Variants in TBC1D5 observed in about 807,000 individuals in gnomAD.
TBC1D5 encodes the protein TBC1 domain family, member 5.
TBC1D5 carries 75 observed loss-of-function variants against 100.3 expected under a neutral mutation model. The ratio of observed to expected loss-of-function variants is 0.75; its 90% CI spans 0.62 to 0.91. The LOEUF (loss-of-function observed/expected upper bound fraction) is 0.91. Ranked by LOEUF, TBC1D5 falls within the 40% of genes least tolerant of loss-of-function variation. TBC1D5 has a pLI of 0.00. For missense variants in TBC1D5, 910 were observed against 942.4 expected (o/e 0.97, Z 0.45); for synonymous variants, 323 against 325.6 (o/e 0.99, Z 0.09).
intron 2 of TBC1D5, among the ~76,000 whole-genome samples, chr3:17,602,561 A>ATTTTTTTTTTT (rs33956978): frequency 1.3e-5 from 1 of 74,480 alleles, no homozygotes; most frequent in Non-Finnish European, 2.5e-5. Flanking sequence ...AGAGAATCAG[A>ATTTTTTTTTTT]TTTTTTTTTT....
At chr3:17,386,232 A>C (rs1302975720) in intron 8 of TBC1D5, among the ~76,000 whole-genome samples, 1 of 152,024 alleles carries the variant, frequency 6.6e-6, no homozygotes, top group African/African-American at 2.4e-5. Context: ...GGATCACCTG[A>C]CTTAATAATT....
At chr3:17,228,272 C>T (rs2075104835) in intron 17 of TBC1D5, among the ~76,000 whole-genome samples, 1 of 152,090 alleles carries the variant, frequency 6.6e-6, no homozygotes, top group Admixed American at 6.5e-5. Flanking sequence ...AGTTGTACGG[C>T]CTTGAACAAG....
intron 1 of TBC1D5, among the ~76,000 whole-genome samples, chr3:17,702,514 GATAC>G (rs1301956599): frequency 1.3e-5 from 2 of 151,956 alleles, no homozygotes; most frequent in Non-Finnish European, 2.9e-5. Context: ...CACAGAAAAG[GATAC>G]ATAAATTGAA....
chr3:17,328,855 A>G (rs1407975964), intron 13 of TBC1D5, among the ~76,000 whole-genome samples: 1 of 152,196 alleles, frequency 6.6e-6, no homozygotes, highest in African/African-American at 2.4e-5. Context: ...GTGGATCCAC[A>G]AATACTAGAA....
intron 1 of TBC1D5, among the ~76,000 whole-genome samples, chr3:17,678,184 T>C (rs2068901760): frequency 6.6e-6 from 1 of 152,034 alleles, no homozygotes; most frequent in East Asian, 1.9e-4. Flanking sequence ...TTGATAAAAA[T>C]AAGACAATTC....
chr3:17,184,712 T>G (rs62248251), intron 19 of TBC1D5: 1 of 152,036 alleles, frequency 6.6e-6, no homozygotes, highest in African/African-American at 2.4e-5. Context: ...AAAAAAAATT[T>G]GTTGTTTTGT....
chr3:17,690,659 T>C (rs1044533722), intron 1 of TBC1D5, among the ~76,000 whole-genome samples: 4 of 152,342 alleles, frequency 2.6e-5, no homozygotes, highest in East Asian at 1.9e-4. Flanking sequence ...GCAGTGGCAT[T>C]AGATTCTCAT....
rs150182195 is a variant in TBC1D5 at position 17,262,777 on chromosome 3, G to A, written c.1246-4186C>T. Among the ~76,000 whole-genome samples the A allele has an allele frequency of 3.4e-3, 517 of 151,666 alleles. 1 individual carries two copies. Among genetic ancestry groups the A allele is most frequent in the African/African-American group, 0.012 (486 of 41,384 alleles). On this transcript the variant is annotated intron_variant, in intron 15 of 21. Coordinates refer to ENST00000253692, the Ensembl canonical transcript of TBC1D5. Reference sequence around the variant, plus strand: ...ATTACAGGCGTGAGCCACCACACCCGGCCGACAATGTATTTTTTTTTTAAA... The same window carrying A: ...ATTACAGGCGTGAGCCACCACACCCAGCCGACAATGTATTTTTTTTTTAAA...
intron 13 of TBC1D5, among the ~76,000 whole-genome samples, chr3:17,330,776 C>G (rs1482414468): frequency 6.6e-6 from 1 of 152,108 alleles, no homozygotes; most frequent in African/African-American, 2.4e-5. Flanking sequence ...CCTGGATGCC[C>G]TACAAGCAGT....
At chr3:17,163,457 A>G (rs1410382074) in intron 21 of TBC1D5, among the ~76,000 whole-genome samples, 2 of 152,170 alleles carry the variant, frequency 1.3e-5, no homozygotes, top group African/African-American at 4.8e-5. Flanking sequence ...TGCCATTTAT[A>G]ACATTTACAG....
chr3:17,703,913 T>C (rs13095726), intron 1 of TBC1D5, among the ~76,000 whole-genome samples: 1 of 35,918 alleles, frequency 2.8e-5, no homozygotes, highest in Non-Finnish European at 6.6e-5. Context: ...GTTTTTTTTT[T>C]GTTTTTTTTT....
chr3:17,278,520 A>G (rs996830559), intron 15 of TBC1D5, among the ~76,000 whole-genome samples: 1 of 152,254 alleles, frequency 6.6e-6, no homozygotes, highest in African/African-American at 2.4e-5. Flanking sequence ...AATTTTCATA[A>G]TAGTTTATTT....
chr3:17,570,584 T>C (rs892136440), intron 2 of TBC1D5, among the ~76,000 whole-genome samples: 1 of 152,064 alleles, frequency 6.6e-6, no homozygotes, highest in African/African-American at 2.4e-5. Flanking sequence ...ATGTATTGTA[T>C]CACTTACCTA....
intron 1 of TBC1D5, among the ~76,000 whole-genome samples, chr3:17,670,747 A>G (rs2067848328): frequency 6.6e-6 from 1 of 152,250 alleles, no homozygotes; most frequent in South Asian, 2.1e-4. Context: ...CTAAAGTAGT[A>G]GGCATATTCC....
At chr3:17,532,171 C>T (rs1282574435) in intron 2 of TBC1D5, among the ~76,000 whole-genome samples, 3 of 152,106 alleles carry the variant, frequency 2.0e-5, no homozygotes, top group Admixed American at 6.5e-5. Context: ...AAAAAGTGGG[C>T]AAAGGATATG....
At chr3:17,542,910 T>G (rs1469554249) in intron 2 of TBC1D5, among the ~76,000 whole-genome samples, 1 of 152,222 alleles carries the variant, frequency 6.6e-6, no homozygotes, top group Admixed American at 6.5e-5. Context: ...CATATACATT[T>G]AGAACTTAAA....
intron 2 of TBC1D5, among the ~76,000 whole-genome samples, chr3:17,598,710 T>A (rs1405233972): frequency 6.6e-6 from 1 of 152,202 alleles, no homozygotes; most frequent in African/African-American, 2.4e-5. Context: ...CTTTACTTCT[T>A]AGAAAATAAG....
intron 4 of TBC1D5, among the ~76,000 whole-genome samples, chr3:17,417,023 G>A (rs916258193): frequency 2.6e-5 from 4 of 152,082 alleles, no homozygotes; most frequent in South Asian, 2.1e-4. Flanking sequence ...GCTTCCCTGT[G>A]GTAAGGTGGG....
chr3:17,387,067 T>C (rs1331972756), intron 8 of TBC1D5, among the ~76,000 whole-genome samples: 1 of 152,162 alleles, frequency 6.6e-6, no homozygotes, highest in Admixed American at 6.6e-5. Flanking sequence ...CATGGCACTC[T>C]CTTTGTTAGA....
Sources: gnomAD v4.1 joint callset for allele counts (sites outside exome capture counted in the v4.1 genomes callset) on GRCh38, gnomAD v4.1.1 for gene constraint, MANE v1.5 for transcripts, NCBI Gene and HGNC (gene_info 2026-07-23, HGNC 2026-07-21) for gene names.